CHD8: variants seen among roughly 807,000 people sequenced by gnomAD.
CHD8 encodes the protein ATP-dependent chromatin remodeler CHD8.
Under a neutral mutation model 279.2 loss-of-function variants are expected in CHD8, and 31 were observed. The ratio of observed to expected loss-of-function variants is 0.11; its 90% CI spans 0.08 to 0.15. The LOEUF is 0.15. Ranked by LOEUF, CHD8 falls within the 10% of genes least tolerant of loss-of-function variation. The pLI, the probability that CHD8 is intolerant of heterozygous loss-of-function variation, is 1.00. For missense variants in CHD8, 2,146 were observed against 3,230.5 expected, an observed-to-expected ratio of 0.66 and a Z score of 8.14; for synonymous variants, 1,081 against 1,139.6, an observed-to-expected ratio of 0.95 and a Z score of 1.04.
At chr14:21,429,857 G>A in intron 2 of CHD8, 1 of 199,218 alleles carries the variant, frequency 5.0e-6, no homozygotes, top group Non-Finnish European at 1.1e-5. Context: ...TTCCCAGGCT[G>A]GTCTCGAACT....
intron 37 of CHD8, among the ~76,000 whole-genome samples, chr14:21,390,686 G>A (rs1360543796): frequency 4.0e-5 from 6 of 151,348 alleles, no homozygotes; most frequent in African/African-American, 9.7e-5. Flanking sequence ...GCTGATGCAC[G>A]AGAATTGCTT....
At chr14:21,397,775 T>C (rs1341937737) in intron 27 of CHD8, 48 bp downstream of exon 27, 1 of 1,590,330 alleles carries the variant, frequency 6.3e-7, no homozygotes, top group African/African-American at 1.3e-5. Flanking sequence ...GCTAGAGTTA[T>C]TTCACGGCAC....
intron 13 of CHD8, 60 bp from the exon 14 acceptor site, chr14:21,407,092 T>C (rs543705811): frequency 7.2e-7 from 1 of 1,379,792 alleles, no homozygotes; most frequent in East Asian, 2.5e-5. Flanking sequence ...GAGGAGCTTT[T>C]CTGAATTACT....
At chr14:21,395,716 T>C (rs2139452064) in intron 28 of CHD8, 101 bp downstream of exon 28, 5 of 759,392 alleles carry the variant, frequency 6.6e-6, no homozygotes, top group Non-Finnish European at 1.1e-5. Context: ...TTCCATTTTG[T>C]ATTATAAATT....
chr14:21,414,252 A>C, intron 9 of CHD8, 49 bp downstream of exon 9: 1 of 943,194 alleles, frequency 1.1e-6, no homozygotes, highest in Non-Finnish European at 1.7e-6. Context: ...AACCCCAGTA[A>C]TTTGTGCTTC....
intron 1 of CHD8, among the ~76,000 whole-genome samples, chr14:21,441,853 C>T (rs754436977): frequency 1.3e-5 from 2 of 152,024 alleles, no homozygotes; most frequent in African/African-American, 2.4e-5. Flanking sequence ...TGCGCCACTG[C>T]ACTCCAGCCT....
At position 21,402,905 on chromosome 14, in the gene CHD8, T is replaced by C. The variant is rs2139468533; in HGVS notation, c.3714+112A>G. 1 of 892,604 alleles carries C rather than the reference T, an allele frequency of 1.1e-6. No individual in the cohort carries two copies. Among genetic ancestry groups the C allele is most frequent in the Non-Finnish European group, 1.7e-6 (1 of 592,454 alleles). 55.3% of individuals were successfully genotyped at this position (892,604 alleles called of 1,614,324 possible). A position where few individuals can be genotyped will look rare whatever the true frequency, so the allele number is the denominator to read the frequency against. On this transcript the variant is annotated intron_variant, in intron 18 of 37. Transcript: ENST00000646647. The surrounding 1 kb of genome is among the most constrained non-coding windows in gnomAD (Gnocchi z 4.5). Reference sequence around the variant, plus strand: ...GATTCCCTGACCTAACTGCCACCCTTAACTAAGGAAACAATTCCAAACTCT... The same window carrying C: ...GATTCCCTGACCTAACTGCCACCCTCAACTAAGGAAACAATTCCAAACTCT...
Position 21,442,973 on chromosome 14 carries a change from T to C in CHD8, c.-215-11115A>G, listed in dbSNP as rs532135295. ...AATGTAGCTGCAATTCACCTCTAAT[T>C]AAGTCCTGTCAAATACAAACACACA... On this transcript the variant is annotated intron_variant, in intron 1 of 37. Coordinates refer to ENST00000646647, the MANE Select transcript of CHD8 (RefSeq NM_001170629.2). 2.6e-5 allele frequency among the ~76,000 whole-genome samples: 4 copies of C among 152,278 alleles called. 1 individual carries two copies. The highest frequency in any genetic ancestry group is 9.6e-5 in the African/African-American group (4 of 41,550).
At chr14:21,443,756 T>C (rs1004988303) in intron 1 of CHD8, among the ~76,000 whole-genome samples, 36 of 146,162 alleles carry the variant, frequency 2.5e-4, no homozygotes, top group African/African-American at 8.7e-4. Flanking sequence ...CTGGGGAGGC[T>C]GAGGCAGGAG....
At chr14:21,386,375 A>C in intron 37 of CHD8, 199 bp from the exon 38 acceptor site, 1 of 592,524 alleles carries the variant, frequency 1.7e-6, no homozygotes, top group East Asian at 2.8e-5. Context: ...AAACATTCTG[A>C]TACTAAAGTT....
intron 1 of CHD8, among the ~76,000 whole-genome samples, chr14:21,443,864 A>AAC: frequency 6.6e-6 from 1 of 151,574 alleles, no homozygotes; most frequent in African/African-American, 2.4e-5. Flanking sequence ...TCAAAAAAAA[A>AAC]AAAAAAAAAA....
chr14:21,406,753 C>T (rs531352374), intron 14 of CHD8, 103 bp downstream of exon 14: 3 of 1,047,464 alleles, frequency 2.9e-6, no homozygotes, highest in South Asian at 3.4e-5. Context: ...TTCAATACCA[C>T]GATTCAGACT....
At chr14:21,391,781 G>C in intron 35 of CHD8, 52 bp downstream of exon 35, 2 of 1,536,450 alleles carry the variant, frequency 1.3e-6, no homozygotes, top group Non-Finnish European at 1.8e-6. Context: ...TCAATTATTG[G>C]GAATAAAAAG....
chr14:21,427,236 C>A, intron 4 of CHD8: 1 of 194,868 alleles, frequency 5.1e-6, no homozygotes, highest in East Asian at 1.3e-4. Flanking sequence ...GAGTGCTCTG[C>A]CCTCAAATGT....
intron 7 of CHD8, chr14:21,415,251 ATC>A: frequency 2.2e-6 from 1 of 463,722 alleles, no homozygotes; most frequent in Admixed American, 3.8e-5. Flanking sequence ...TTCCTCCATC[ATC>A]TCTCACAACT....
chr14:21,449,814 G>C (rs1039859525), intron 1 of CHD8, among the ~76,000 whole-genome samples: 3 of 152,184 alleles, frequency 2.0e-5, no homozygotes, highest in Admixed American at 2.0e-4. Flanking sequence ...CCCAGATCCA[G>C]CTTACTTAGC....
intron 1 of CHD8, chr14:21,436,777 T>C: frequency 2.7e-6 from 1 of 367,728 alleles, no homozygotes; most frequent in East Asian, 8.0e-5. Flanking sequence ...TTTCAGGGGG[T>C]AAAGAAGAAA....
intron 5 of CHD8, chr14:21,416,160 C>T (rs1421700967): frequency 5.7e-6 from 2 of 349,602 alleles, no homozygotes; most frequent in Non-Finnish European, 1.0e-5. Flanking sequence ...TGGCAAGAAG[C>T]TCTGGGAAAT....
At chr14:21,423,216 C>CA (rs1377118441) in intron 5 of CHD8, among the ~76,000 whole-genome samples, 2 of 151,492 alleles carry the variant, frequency 1.3e-5, no homozygotes, top group African/African-American at 2.4e-5. Flanking sequence ...GACTCTATCT[C>CA]AAAAAATAAA....
Sources: gnomAD v4.1 joint callset for allele counts (sites outside exome capture counted in the v4.1 genomes callset) on GRCh38, gnomAD v4.1.1 for gene constraint, Gnocchi (gnomAD v3.1) non-coding constraint, MANE v1.5 for transcripts, NCBI Gene and HGNC (gene_info 2026-07-23, HGNC 2026-07-21) for gene names.